OVCH2: variants seen among roughly 807,000 people sequenced by gnomAD.
OVCH2 encodes ovochymase 2, also known as ovochymase-2.
OVCH2 carries 88 observed loss-of-function variants against 73.7 expected under a neutral mutation model. The observed-to-expected ratio is 1.19, with a 90% CI of 1.01 to 1.43. The LOEUF (loss-of-function observed/expected upper bound fraction) is 1.43. Ranked by LOEUF, OVCH2 falls within the 40% of genes most tolerant of loss-of-function variation. The probability of loss-of-function intolerance (pLI) is 0.00; values close to 1 mark genes in which losing one functional copy is unlikely to be tolerated. For missense variants in OVCH2, 706 were observed against 674.5 expected, an observed-to-expected ratio of 1.05 and a Z score of -0.52; for synonymous variants, 265 against 234.5, an observed-to-expected ratio of 1.13 and a Z score of -1.19.
chr11:7,690,037 A>G, intron 14 of OVCH2, 24 bp from the exon 15 acceptor site: 3 of 1,433,182 alleles, frequency 2.1e-6, no homozygotes, highest in Non-Finnish European at 2.8e-6. Context: ...TGATACAATT[A>G]CTCAGTTTCC....
rs150603993 is a variant in OVCH2, at chr11:7,698,135, G to C, written c.925+615C>G. On this transcript the variant is annotated intron_variant, in intron 8 of 15. Coordinates refer to ENST00000533663, the MANE Select transcript of OVCH2 (RefSeq NM_198185.7). The stretch of plus-strand genomic sequence containing the variant: ...AATCCTACTCCTCCTTCCAGTTGCA[G>C]CTTCAAAGATGTCTGTGCATCAGAG... Among the ~76,000 whole-genome samples the C allele has an allele frequency of 1.6e-3, 246 of 152,210 alleles. 2 individuals carry two copies. The highest frequency in any genetic ancestry group is 5.7e-3 in the African/African-American group (235 of 41,548).
At chr11:7,682,843 A>G in the OVCH2 span, among the ~76,000 whole-genome samples, 1 of 152,192 alleles carries the variant, frequency 6.6e-6, no homozygotes, top group African/African-American at 2.4e-5. Flanking sequence ...TTACGACAAG[A>G]TTCCTTGAAA....
chr11:7,701,471 G>T lies in OVCH2; in HGVS notation c.564C>A (p.Gly188=). ...CTTCCTGCAAGACTTGTGAGAGGAC[G>T]CCACCTGAAAAACAGAGAGATGGAA... ...TAGWGRLTEG[G]VLSQVLQEVN... is the part of the protein sequence containing the mutation. The change falls in exon 6 of 16, where the codon GGC becomes GGA. Residue 188 remains glycine, a synonymous_variant. Coordinates refer to ENST00000533663, the MANE Select transcript of OVCH2 (RefSeq NM_198185.7). 1.2e-6 allele frequency: 2 copies of T among 1,609,402 alleles called. No individual in the cohort carries two copies. Among genetic ancestry groups the T allele is most frequent in the South Asian group, 1.1e-5 (1 of 89,670 alleles).
chr11:7,704,366 CTTGAT>C (rs1195149161), intron 2 of OVCH2, among the ~76,000 whole-genome samples, 194 bp downstream of exon 2: 1 of 152,164 alleles, frequency 6.6e-6, no homozygotes, highest in African/African-American at 2.4e-5. Context: ...ATTTGTGATA[CTTGAT>C]TTGATTCTAA....
chr11:7,705,625 A>G (rs1003641737), intron 1 of OVCH2: 14 of 152,252 alleles, frequency 9.2e-5, no homozygotes, highest in Admixed American at 8.5e-4. Context: ...GGAGACACAC[A>G]GCTGGATAAT....
chr11:7,705,329 T>A (rs575622630), intron 1 of OVCH2: 106 of 152,336 alleles, frequency 7.0e-4, no homozygotes, highest in African/African-American at 2.4e-3. Context: ...AATGAATTAT[T>A]TGCCTCTATC....
At chr11:7,701,690 A>T (rs1195413611) in intron 5 of OVCH2, 26 bp downstream of exon 5, 1 of 1,596,948 alleles carries the variant, frequency 6.3e-7, no homozygotes, top group African/African-American at 1.3e-5. Flanking sequence ...ACCTCTGCTT[A>T]AGAGGAATGG....
In OVCH2 at chr11:7,689,910, C is replaced by A; in HGVS notation, c.*31+14G>T. 1 of 1,440,650 alleles carries A rather than the reference C, an allele frequency of 6.9e-7. No homozygotes were observed. The highest frequency in any genetic ancestry group is 1.2e-5 in the South Asian group (1 of 82,158). 89.2% of individuals were successfully genotyped at this position (1,440,650 alleles called of 1,614,324 possible). ...ATACTCTGTGTGTATCAATTGGTCC[C>A]CAAAACAGCTTACCAGAAACATTGG... On this transcript the variant is annotated intron_variant, in intron 15 of 15. Coordinates refer to ENST00000533663, the MANE Select transcript of OVCH2 (RefSeq NM_198185.7).
the OVCH2 span, among the ~76,000 whole-genome samples, chr11:7,680,172 C>A: frequency 2.0e-5 from 3 of 152,172 alleles, no homozygotes; most frequent in Non-Finnish European, 4.4e-5. Flanking sequence ...GGAAGCCCAG[C>A]CTTGAGACTG....
At chr11:7,681,678 G>A in the OVCH2 span, among the ~76,000 whole-genome samples, 1 of 151,676 alleles carries the variant, frequency 6.6e-6, no homozygotes, top group Non-Finnish European at 1.5e-5. Context: ...CTGGGTTAGA[G>A]CCTCCAGAAG....
intron 10 of OVCH2, 126 bp from the exon 11 acceptor site, chr11:7,695,836 T>A: frequency 7.8e-7 from 1 of 1,279,984 alleles, no homozygotes; most frequent in Non-Finnish European, 1.1e-6. Context: ...CTCAGTCTTG[T>A]CACAATTGAC....
At chr11:7,687,263 TATG>T (rs1856152199), downstream of OVCH2, among the ~76,000 whole-genome samples, 1 of 151,404 alleles carries the variant, frequency 6.6e-6, no homozygotes, top group South Asian at 2.1e-4. Context: ...GTCAAAAAAA[TATG>T]ATGTTACCCA....
chr11:7,696,923 A>G, intron 8 of OVCH2, 124 bp from the exon 9 acceptor site: 2 of 863,148 alleles, frequency 2.3e-6, no homozygotes, highest in East Asian at 5.3e-5. Flanking sequence ...GTTCTTCATG[A>G]AATCTTCTCC....
chr11:7,678,804 G>T, the OVCH2 span, among the ~76,000 whole-genome samples: 2 of 152,178 alleles, frequency 1.3e-5, no homozygotes, highest in African/African-American at 4.8e-5. Flanking sequence ...GGAAGGGAAG[G>T]AGGCATGGAC....
At chr11:7,684,506 ATGTGTGTGTGTGTGTGTG>A (rs55770590), downstream of OVCH2, among the ~76,000 whole-genome samples, 18 of 141,342 alleles carry the variant, frequency 1.3e-4, no homozygotes, top group Admixed American at 7.7e-4. Context: ...ATACATACAT[ATGTGTGTGTGTGTGTGTG>A]TGTGTGTGTG....
chr11:7,680,322 C>T, the OVCH2 span, among the ~76,000 whole-genome samples: 62,011 of 152,064 alleles, frequency 0.41, 15,945 homozygotes, highest in African/African-American at 0.73. Context: ...TCACCTGGTG[C>T]GTGGGGAAAA....
intron 3 of OVCH2, among the ~76,000 whole-genome samples, chr11:7,703,173 A>T (rs569284959): frequency 3.4e-4 from 52 of 152,328 alleles, no homozygotes; most frequent in African/African-American, 1.1e-3. Context: ...TCTTGATTAC[A>T]GCCTAGTATA....
chr11:7,700,765 A>G (rs1856422203), intron 6 of OVCH2, among the ~76,000 whole-genome samples: 1 of 152,216 alleles, frequency 6.6e-6, no homozygotes, highest in African/African-American at 2.4e-5. Context: ...GACTCAGAGA[A>G]GTCTTGGCCA....
At chr11:7,701,204 C>T in intron 6 of OVCH2, 120 bp downstream of exon 6, 1 of 1,272,960 alleles carries the variant, frequency 7.9e-7, no homozygotes, top group Non-Finnish European at 1.1e-6. Context: ...ATTCTTTATT[C>T]TACCCCTCCA....
Sources: gnomAD v4.1 joint callset for allele counts (sites outside exome capture counted in the v4.1 genomes callset) on GRCh38, gnomAD v4.1.1 for gene constraint, MANE v1.5 for transcripts, NCBI Gene and HGNC (gene_info 2026-07-23, HGNC 2026-07-21) for gene names.